The following SFMBT2 variants were observed in gnomAD, a reference collection of about 807,000 sequenced individuals.
SFMBT2 encodes scm-like with four MBT domains protein 2.
SFMBT2 carries 38 observed loss-of-function variants against 110.1 expected under a neutral mutation model. That is an observed-to-expected ratio of 0.35 (90% CI 0.27 to 0.45). The LOEUF (loss-of-function observed/expected upper bound fraction) is 0.45. SFMBT2 is among the 20% of genes least tolerant of loss of function. SFMBT2 has a pLI of 1.00. For missense variants in SFMBT2, 1,011 were observed against 1,094.9 expected (o/e 0.92, Z 1.08); for synonymous variants, 425 against 425.4 (o/e 1.00, Z 0.01).
chr10:7,409,374 A>C (rs1342125669), intron 1 of SFMBT2: 1 of 151,060 alleles, frequency 6.6e-6, no homozygotes, highest in Non-Finnish European at 1.5e-5. Context: ...AGACAAAATA[A>C]ATCACTCCCT....
chr10:7,285,003 C>T (rs1320404174), intron 5 of SFMBT2: 2 of 152,036 alleles, frequency 1.3e-5, no homozygotes, highest in Non-Finnish European at 2.9e-5. Flanking sequence ...AAACAAAACC[C>T]GTTAACTATA....
At chr10:7,302,186 C>G (rs927859967) in intron 4 of SFMBT2, among the ~76,000 whole-genome samples, 2 of 152,174 alleles carry the variant, frequency 1.3e-5, no homozygotes, top group Non-Finnish European at 1.5e-5. Flanking sequence ...CCTCAGCTTC[C>G]CTCCTTTTTT....
rs1178031670 is a variant in SFMBT2 at position 7,293,781 on chromosome 10, T to G, written c.437-7827A>C. Among the ~76,000 whole-genome samples the G allele has an allele frequency of 6.6e-6, 1 of 152,144 alleles. No individual in the cohort carries two copies. The highest frequency in any genetic ancestry group is 1.5e-5 in the Non-Finnish European group (1 of 68,020). On this transcript the variant is annotated intron_variant, in intron 4 of 20. Transcript: ENST00000397167. This position sits in a 1 kb window ranked among gnomAD's most constrained non-coding sequence, Gnocchi z 4.6. Reference sequence around the variant, plus strand: ...GATATAGGGTGACACAGAGCTCTGCTTCCCAAGATATGTTAGGAACCCAGG... The same window carrying G: ...GATATAGGGTGACACAGAGCTCTGCGTCCCAAGATATGTTAGGAACCCAGG...
At chr10:7,351,083 C>G (rs1337331001) in intron 4 of SFMBT2, among the ~76,000 whole-genome samples, 1 of 152,230 alleles carries the variant, frequency 6.6e-6, no homozygotes, top group African/African-American at 2.4e-5. Flanking sequence ...TAACAGCTGT[C>G]TTCTCATGCT....
At chr10:7,229,328 C>T (rs1425440432) in intron 9 of SFMBT2, among the ~76,000 whole-genome samples, 1 of 152,106 alleles carries the variant, frequency 6.6e-6, no homozygotes, top group Admixed American at 6.5e-5. Flanking sequence ...CGCCTGTAAT[C>T]CCAGCACTTT....
rs187161950 is a variant in SFMBT2 at position 7,201,771 on chromosome 10, C to T, written c.1487+709G>A. Among the ~76,000 whole-genome samples, 18 of 152,276 alleles carry T rather than the reference C, an allele frequency of 1.2e-4. No individual in the cohort carries two copies. In the East Asian group the frequency reaches 3.1e-3, roughly 26 times the overall value. On this transcript the variant is annotated intron_variant, in intron 13 of 20. Coordinates refer to ENST00000397167, the MANE Select transcript of SFMBT2 (RefSeq NM_001387889.1). ...ACTAGCAGTCACAACTATTCAAAAACACACTGCCTGCCTGGACACGCTTTG... is the reference window on the plus strand; with the variant it reads ...ACTAGCAGTCACAACTATTCAAAAATACACTGCCTGCCTGGACACGCTTTG...
At chr10:7,394,168 G>A (rs185207023) in intron 1 of SFMBT2, among the ~76,000 whole-genome samples, 8 of 152,148 alleles carry the variant, frequency 5.3e-5, no homozygotes, top group Non-Finnish European at 7.4e-5. Flanking sequence ...TGGTAGAGAC[G>A]GGGTTTCACC....
rs561342003 is a variant in SFMBT2, at chr10:7,406,248, T to TA, written c.-52+4612dup. On this transcript the variant is annotated intron_variant, in intron 1 of 20. Transcript: ENST00000397167. ...GTGAACTATTTTTGTTCAAATTATT[T>TA]AAAAAAAGAAAAAGAAAAAGAAAAC... Among the ~76,000 whole-genome samples the TA allele has an allele frequency of 2.0e-4, 31 of 151,904 alleles. No homozygotes were observed. The East Asian group carries it at 5.6e-3, about 27-fold the overall frequency.
chr10:7,271,590 T>C (rs1998945), intron 7 of SFMBT2, among the ~76,000 whole-genome samples: 112,039 of 151,570 alleles, frequency 0.74, 42,032 homozygotes, highest in East Asian at 0.92. Context: ...CAGGGAAGGA[T>C]TCCTTTGGGG....
chr10:7,393,014 TA>T (rs1564473025), intron 1 of SFMBT2, among the ~76,000 whole-genome samples: 5 of 90,166 alleles, frequency 5.5e-5, no homozygotes, highest in African/African-American at 1.5e-4. Context: ...TATATATATA[TA>T]TATATATATA....
chr10:7,341,905 C>T (rs1218386993), intron 4 of SFMBT2, among the ~76,000 whole-genome samples: 1 of 152,106 alleles, frequency 6.6e-6, no homozygotes, highest in Non-Finnish European at 1.5e-5. Context: ...GTTTTCAAAG[C>T]AGAATGGAGG....
chr10:7,369,125 G>A (rs1401565408), intron 3 of SFMBT2, among the ~76,000 whole-genome samples: 1 of 152,132 alleles, frequency 6.6e-6, no homozygotes, highest in Admixed American at 6.5e-5. Flanking sequence ...CCTGGAGTTC[G>A]AGGCCAACTC....
intron 14 of SFMBT2, chr10:7,198,145 T>C (rs1354663501): frequency 2.0e-6 from 2 of 985,302 alleles, no homozygotes; most frequent in Non-Finnish European, 2.4e-6. Flanking sequence ...ATATTAAACA[T>C]ATTCCATAAA....
chr10:7,172,973 G>C lies in SFMBT2; in HGVS notation c.1985-312C>G, dbSNP rs1309940605. On this transcript the variant is annotated intron_variant, in intron 17 of 20. Transcript: ENST00000397167. The surrounding 1 kb of genome is among the most constrained non-coding windows in gnomAD (Gnocchi z 4.6). ...CCTAATCCAATAGGACATTAATGAGGTCCTAAGAGTGTCCAGGAGAGACAC... is the reference window on the plus strand; with the variant it reads ...CCTAATCCAATAGGACATTAATGAGCTCCTAAGAGTGTCCAGGAGAGACAC... Among the ~76,000 whole-genome samples, 1 of 152,098 alleles carries C rather than the reference G, an allele frequency of 6.6e-6. No homozygotes were observed. Among genetic ancestry groups the C allele is most frequent in the African/African-American group, 2.4e-5 (1 of 41,404 alleles).
At chr10:7,297,740 A>G (rs1013169895) in intron 4 of SFMBT2, among the ~76,000 whole-genome samples, 1 of 152,230 alleles carries the variant, frequency 6.6e-6, no homozygotes, top group African/African-American at 2.4e-5. Flanking sequence ...TTCAAATAGG[A>G]AGAGAAAACT....
intron 9 of SFMBT2, among the ~76,000 whole-genome samples, chr10:7,232,559 C>T (rs1840135304): frequency 6.6e-6 from 1 of 152,108 alleles, no homozygotes; most frequent in South Asian, 2.1e-4. Context: ...AAAATAACTG[C>T]TATGGCTTTA....
At chr10:7,394,703 C>T (rs980435608) in intron 1 of SFMBT2, among the ~76,000 whole-genome samples, 4 of 152,132 alleles carry the variant, frequency 2.6e-5, no homozygotes, top group African/African-American at 9.7e-5. Flanking sequence ...TTTTCATAAA[C>T]TGTCTAAAGC....
intron 7 of SFMBT2, among the ~76,000 whole-genome samples, chr10:7,258,869 T>C (rs1350203131): frequency 1.3e-5 from 2 of 152,222 alleles, no homozygotes; most frequent in Non-Finnish European, 2.9e-5. Flanking sequence ...ATTTAGCCAG[T>C]GAAGTATTTG....
Position 7,160,051 on chromosome 10 carries a change from C to A in SFMBT2, c.*3719G>T, listed in dbSNP as rs759875238. 1.3e-5 allele frequency: 2 copies of A among 152,182 alleles called. No homozygotes were observed. The highest frequency in any genetic ancestry group is 1.5e-5 in the Non-Finnish European group (1 of 68,034). The allele number at this position is 152,182 out of a possible 1,614,324, so 9.4% of individuals were successfully genotyped here. A position where few individuals can be genotyped will look rare whatever the true frequency, so the allele number is the denominator to read the frequency against. On this transcript the variant is annotated 3_prime_UTR_variant, in exon 21 of 21. Coordinates refer to ENST00000397167, the MANE Select transcript of SFMBT2 (RefSeq NM_001387889.1). ...ACTGAGGAACAAATCAAAGCAAACA[C>A]AGGAAATAATCTTTCGAATATGATC...
Sources: allele counts gnomAD v4.1 joint callset (sites outside exome capture counted in the v4.1 genomes callset), GRCh38; gene constraint gnomAD v4.1.1; non-coding constraint Gnocchi (gnomAD v3.1); transcripts MANE v1.5; gene names NCBI Gene and HGNC (gene_info 2026-07-23, HGNC 2026-07-21).